Variants in PLEKHG3 observed in about 807,000 individuals in gnomAD.
PLEKHG3 encodes the protein pleckstrin homology domain-containing family G member 3.
In PLEKHG3, 62 loss-of-function variants were observed where a neutral mutation model predicts 94.9. The ratio of observed to expected loss-of-function variants is 0.65; its 90% CI spans 0.53 to 0.81. The LOEUF is 0.81. Ranked by LOEUF, PLEKHG3 falls within the 30% of genes least tolerant of loss-of-function variation. The pLI, the probability that PLEKHG3 is intolerant of heterozygous loss-of-function variation, is 0.00. For synonymous variants in PLEKHG3, 614 were observed against 654.0 expected, an observed-to-expected ratio of 0.94 and a Z score of 0.93; for missense variants, 1,461 against 1,619.3, an observed-to-expected ratio of 0.90 and a Z score of 1.68.
rs1566706948 is a variant in PLEKHG3, at chr14:64,731,704, C to T, written c.1033-10C>T. On this transcript the variant is annotated splice_polypyrimidine_tract_variant and intron_variant, in intron 8 of 16. Transcript: ENST00000247226. The surrounding 1 kb of genome is among the most constrained non-coding windows in gnomAD (Gnocchi z 6.1). ...CCTTGTGCTTGACTGTCCTTTCCCT[C>T]TGCCCCTAGTGCTCCTCCCTGATGC... 1.2e-6 allele frequency: 2 copies of T among 1,606,140 alleles called. No individual in the cohort carries two copies. Among genetic ancestry groups the T allele is most frequent in the Non-Finnish European group, 1.7e-6 (2 of 1,172,874 alleles).
Position 64,728,175 on chromosome 14 carries a change from C to T in PLEKHG3, c.351+193C>T, listed in dbSNP as rs149291208. Among the ~76,000 whole-genome samples the T allele has an allele frequency of 1.3e-5, 2 of 152,292 alleles. No homozygotes were observed. The highest frequency in any genetic ancestry group is 3.9e-4 in the East Asian group (2 of 5,166). On this transcript the variant is annotated intron_variant, in intron 2 of 16. Transcript: ENST00000247226. The surrounding 1 kb of genome is among the most constrained non-coding windows in gnomAD (Gnocchi z 5.9). ...CTTGGGCCAGATCAGTAGCTTGGGC[C>T]GACAGGAGTGAGCATCGTTGATAGG...
intron 1 of PLEKHG3, among the ~76,000 whole-genome samples, chr14:64,713,766 T>G (rs2081095276): frequency 6.6e-6 from 1 of 151,108 alleles, no homozygotes; most frequent in Non-Finnish European, 1.5e-5. Context: ...CCCCATTTCC[T>G]TTTTTTTTCT....
Position 64,720,596 on chromosome 14 carries a change from A to G in PLEKHG3, c.-39-6997A>G, listed in dbSNP as rs1332388696. On this transcript the variant is annotated intron_variant, in intron 1 of 16. Transcript: ENST00000247226. The surrounding 1 kb of genome is among the most constrained non-coding windows in gnomAD (Gnocchi z 4.1). Reference sequence around the variant, plus strand: ...TGGGTTTTACTGTATTGTCCAGAAGAGATGCATGTACATATCAAGCCCCAA... The same window carrying G: ...TGGGTTTTACTGTATTGTCCAGAAGGGATGCATGTACATATCAAGCCCCAA... Among the ~76,000 whole-genome samples the G allele has an allele frequency of 6.6e-6, 1 of 152,216 alleles. No individual in the cohort carries two copies. The highest frequency in any genetic ancestry group is 1.5e-5 in the Non-Finnish European group (1 of 68,046).
rs574431375 is a variant in PLEKHG3 at position 64,742,239 on chromosome 14, G to C, written c.2722G>C (p.Val908Leu). The stretch of plus-strand genomic sequence containing the variant: ...GGTGGCCCCACTGCACCCCCGCATC[G>C]TGCAGCTCTCCCACGTAATGGACAG... ...ELVAPLHPRI[V>L]QLSHVMDSHV... The change falls in exon 16 of 17, where the codon GTG becomes CTG. Residue 908 changes from valine (V) to leucine (L), a missense_variant. Val to Leu is a conservative substitution (Grantham distance 32). Around this residue, in one of 3 missense-constraint regions of PLEKHG3, gnomAD observed 1,201 missense variants for 1,295.5 expected, o/e 0.93. Coordinates refer to ENST00000247226, the MANE Select transcript of PLEKHG3 (RefSeq NM_001308147.2). 6.2e-7 allele frequency: 1 copy of C among 1,612,952 alleles called. No individual in the cohort carries two copies. The highest frequency in any genetic ancestry group is 8.5e-7 in the Non-Finnish European group (1 of 1,180,008).
intron 14 of PLEKHG3, 94 bp downstream of exon 14, chr14:64,737,469 C>A: frequency 3.6e-6 from 3 of 832,676 alleles, no homozygotes; most frequent in South Asian, 1.8e-5. Flanking sequence ...TGTCTTCATT[C>A]ATTCAACAAA....
rs1024365670 is a variant in PLEKHG3, at chr14:64,738,286, C to T, written c.1405-456C>T. Reference sequence around the variant, plus strand: ...GCTCCCTGGGATGTGCATGCCCACCCGAGGGCCCCCTCTGCTGCCCTCCTC... The same window carrying T: ...GCTCCCTGGGATGTGCATGCCCACCTGAGGGCCCCCTCTGCTGCCCTCCTC... On this transcript the variant is annotated intron_variant, in intron 14 of 16. Transcript: ENST00000247226. The surrounding 1 kb of genome is among the most constrained non-coding windows in gnomAD (Gnocchi z 4.8). 7.3e-5 allele frequency: 79 copies of T among 1,087,430 alleles called. No individual in the cohort carries two copies. The highest frequency in any genetic ancestry group is 9.6e-5 in the Admixed American group (4 of 41,550). 67.4% of individuals were successfully genotyped at this position (1,087,430 alleles called of 1,614,324 possible).
intron 1 of PLEKHG3, among the ~76,000 whole-genome samples, chr14:64,714,076 A>G (rs1053112854): frequency 6.6e-6 from 1 of 152,098 alleles, no homozygotes; most frequent in Non-Finnish European, 1.5e-5. Flanking sequence ...TTGTAGACCT[A>G]TTCTTTAATT....
At position 64,707,876 on chromosome 14, in the gene PLEKHG3, G is replaced by A. The variant is rs111880827; in HGVS notation, c.-40+3172G>A. On this transcript the variant is annotated intron_variant, in intron 1 of 16. Transcript: ENST00000247226. ...CTTTGAGCTGTGTTTCTTACCCAAC[G>A]TGGAGTTAGTCATCATACTTACCAC... 3.9e-3 allele frequency among the ~76,000 whole-genome samples: 589 copies of A among 152,326 alleles called. 6 individuals carry two copies. The highest frequency in any genetic ancestry group is 0.014 in the African/African-American group (563 of 41,566).
In PLEKHG3 at chr14:64,723,188, A is replaced by G. The variant is rs1393928133; in HGVS notation, c.-39-4405A>G. On this transcript the variant is annotated intron_variant, in intron 1 of 16. Transcript: ENST00000247226. The surrounding 1 kb of genome is among the most constrained non-coding windows in gnomAD (Gnocchi z 4.5). Reference sequence around the variant, plus strand: ...TGTGGTGTGGTTTAGGCTTAAATTTAAAGAAAAAGAAAAGAAACCTCCCTC... The same window carrying G: ...TGTGGTGTGGTTTAGGCTTAAATTTGAAGAAAAAGAAAAGAAACCTCCCTC... Among the ~76,000 whole-genome samples, 2 of 152,128 alleles carry G rather than the reference A, an allele frequency of 1.3e-5. No homozygotes were observed. Among genetic ancestry groups the G allele is most frequent in the African/African-American group, 4.8e-5 (2 of 41,422 alleles).
At position 64,741,661 on chromosome 14, in the gene PLEKHG3, T is replaced by A; in HGVS notation, c.2144T>A (p.Leu715Gln). ...TCAGCACTCTCCACCCGAGACCGGC[T>A]GTTGCTAGACAAGATTAAGAGCTAT... ...KESALSTRDR[L>Q]LLDKIKSYYE... The change falls in exon 16 of 17, where the codon CTG becomes CAG. Residue 715 changes from leucine to glutamine, a missense_variant. Coordinates refer to ENST00000247226, the MANE Select transcript of PLEKHG3 (RefSeq NM_001308147.2). 2 of 1,612,872 alleles carry A rather than the reference T, an allele frequency of 1.2e-6. No individual in the cohort carries two copies. The highest frequency in any genetic ancestry group is 3.3e-5 in the Admixed American group (2 of 60,008).
At position 64,728,232 on chromosome 14, in the gene PLEKHG3, C is replaced by T. The variant is rs1267716859; in HGVS notation, c.351+250C>T. 2.0e-5 allele frequency among the ~76,000 whole-genome samples: 3 copies of T among 152,248 alleles called. No homozygotes were observed. Among genetic ancestry groups the T allele is most frequent in the Non-Finnish European group, 4.4e-5 (3 of 68,044 alleles). ...CCCCAGCCTGCCTGGGAAGATGGCT[C>T]TAGAGAGCCTGTGCCACAGAGACTG... On this transcript the variant is annotated intron_variant, in intron 2 of 16. Transcript: ENST00000247226. This position sits in a 1 kb window ranked among gnomAD's most constrained non-coding sequence, Gnocchi z 5.9.
chr14:64,731,873 T>G lies in PLEKHG3; in HGVS notation c.1125+67T>G. 8.6e-7 allele frequency: 1 copy of G among 1,161,388 alleles called. No homozygotes were observed. Among genetic ancestry groups the G allele is most frequent in the Non-Finnish European group, 1.3e-6 (1 of 777,024 alleles). 71.9% of individuals were successfully genotyped at this position (1,161,388 alleles called of 1,614,324 possible). Reference sequence around the variant, plus strand: ...CCAGGGGACACCTGCGTGGGACTCCTGGCTCCTCTGCTCACCTAGCTGCCC... The same window carrying G: ...CCAGGGGACACCTGCGTGGGACTCCGGGCTCCTCTGCTCACCTAGCTGCCC... On this transcript the variant is annotated intron_variant, in intron 9 of 16. Coordinates refer to ENST00000247226, the MANE Select transcript of PLEKHG3 (RefSeq NM_001308147.2). This position sits in a 1 kb window ranked among gnomAD's most constrained non-coding sequence, Gnocchi z 6.1.
At chr14:64,711,941 A>G (rs1305364786) in intron 1 of PLEKHG3, among the ~76,000 whole-genome samples, 4 of 152,206 alleles carry the variant, frequency 2.6e-5, no homozygotes, top group Non-Finnish European at 5.9e-5. Context: ...ATTTACTCCT[A>G]TCTTTTCTTC....
chr14:64,709,455 C>T (rs930152481), intron 1 of PLEKHG3, among the ~76,000 whole-genome samples: 1 of 152,210 alleles, frequency 6.6e-6, no homozygotes, highest in African/African-American at 2.4e-5. Flanking sequence ...CTTGCACTCT[C>T]TTTCATGCTG....
chr14:64,727,506 A>ACCTGCCCCCCCC lies in PLEKHG3; in HGVS notation c.-39-78_-39-77insCCCCCTGCCCCC. ...GCACTAAATAATACCTTCCCACCCCACCTGCCCCCACCCCTGGCAACCGTC... is the reference window on the plus strand; with the variant it reads ...GCACTAAATAATACCTTCCCACCCCACCTGCCCCCCCCCCTGCCCCCACCCCTGGCAACCGTC... On this transcript the variant is annotated intron_variant, in intron 1 of 16. Coordinates refer to ENST00000247226, the MANE Select transcript of PLEKHG3 (RefSeq NM_001308147.2). The surrounding 1 kb of genome is among the most constrained non-coding windows in gnomAD (Gnocchi z 6.0). 6.7e-6 allele frequency: 2 copies of ACCTGCCCCCCCC among 297,228 alleles called. No homozygotes were observed. The highest frequency in any genetic ancestry group is 6.9e-5 in the East Asian group (1 of 14,460). 18.4% of individuals were successfully genotyped at this position (297,228 alleles called of 1,614,324 possible).
intron 1 of PLEKHG3, among the ~76,000 whole-genome samples, chr14:64,710,042 A>G (rs1221217316): frequency 6.6e-6 from 1 of 152,188 alleles, no homozygotes; most frequent in African/African-American, 2.4e-5. Context: ...AGCATGTAAG[A>G]AGGAGACCTA....
At chr14:64,735,680 A>G (rs559341049) in intron 12 of PLEKHG3, among the ~76,000 whole-genome samples, 30 of 152,356 alleles carry the variant, frequency 2.0e-4, no homozygotes, top group African/African-American at 7.2e-4. Context: ...TGTAGACCAC[A>G]AAAAGATCAG....
At position 64,720,757 on chromosome 14, in the gene PLEKHG3, A is replaced by G. The variant is rs1218024891; in HGVS notation, c.-39-6836A>G. On this transcript the variant is annotated intron_variant, in intron 1 of 16. Transcript: ENST00000247226. The surrounding 1 kb of genome is among the most constrained non-coding windows in gnomAD (Gnocchi z 4.1). ...TTGTCTTAAAGTTCTGGAGGTAAGA[A>G]GTCAGACTGGGTTTGCATGGCTGGG... Among the ~76,000 whole-genome samples the G allele has an allele frequency of 1.3e-5, 2 of 152,224 alleles. No homozygotes were observed. Among genetic ancestry groups the G allele is most frequent in the African/African-American group, 2.4e-5 (1 of 41,462 alleles).
At chr14:64,708,837 C>T (rs113331397) in intron 1 of PLEKHG3, among the ~76,000 whole-genome samples, 7 of 126,066 alleles carry the variant, frequency 5.6e-5, no homozygotes, top group African/African-American at 1.5e-4. Context: ...CCAAGTATGT[C>T]GCTGCACACT....
Sources: gnomAD v4.1 joint callset for allele counts (sites outside exome capture counted in the v4.1 genomes callset) on GRCh38, gnomAD v4.1.1 for gene constraint, gnomAD v4.1.1 regional missense constraint, Gnocchi (gnomAD v3.1) non-coding constraint, MANE v1.5 for transcripts, NCBI Gene and HGNC (gene_info 2026-07-23, HGNC 2026-07-21) for gene names.